ATP11B: variants seen among roughly 807,000 people sequenced by gnomAD.
ATP11B encodes the protein ATPase phospholipid transporting 11B (putative), also known as phospholipid-transporting ATPase IF.
A neutral mutation model predicts 157.8 loss-of-function variants in ATP11B; 81 were observed. That is an observed-to-expected ratio of 0.51 (90% CI 0.43 to 0.62). The LOEUF (loss-of-function observed/expected upper bound fraction) is 0.62, where lower values mean the gene tolerates loss of function less well. Ranked by LOEUF, ATP11B falls within the 20% of genes least tolerant of loss-of-function variation. The pLI is 0.00. For missense variants in ATP11B, 1,165 were observed against 1,402.2 expected (o/e 0.83, Z 2.70); for synonymous variants, 451 against 469.4 (o/e 0.96, Z 0.51).
intron 8 of ATP11B, among the ~76,000 whole-genome samples, chr3:182,842,978 G>A (rs1212073426): frequency 6.6e-6 from 1 of 152,198 alleles, no homozygotes; most frequent in Non-Finnish European, 1.5e-5. Flanking sequence ...AGTCCTCTCA[G>A]ATTCCAAAAG....
chr3:182,873,844 C>G lies in ATP11B; in HGVS notation c.2081C>G (p.Ala694Gly). The G allele has an allele frequency of 6.2e-7, 1 of 1,614,084 alleles. No homozygotes were observed. The highest frequency in any genetic ancestry group is 8.5e-7 in the Non-Finnish European group (1 of 1,179,970). ...LQDKVRETIEALRMAGIKVWV... is the reference protein window; with the variant it reads ...LQDKVRETIEGLRMAGIKVWV... ...GATAAAGTTCGAGAAACTATTGAAGCATTGAGAATGGCTGGTATCAAAGTA... is the reference window on the plus strand; with the variant it reads ...GATAAAGTTCGAGAAACTATTGAAGGATTGAGAATGGCTGGTATCAAAGTA... The change falls in exon 19 of 30, where the codon GCA (alanine) becomes GGA (glycine). Residue 694 changes from alanine (A) to glycine (G), a missense_variant. Coordinates refer to ENST00000323116, the MANE Select transcript of ATP11B (RefSeq NM_014616.3).
At chr3:182,899,150 A>ATTTTTTTT (rs34492261) in intron 28 of ATP11B, among the ~76,000 whole-genome samples, 1 of 128,356 alleles carries the variant, frequency 7.8e-6, no homozygotes, top group Non-Finnish European at 1.6e-5. Context: ...AATTTGAGTA[A>ATTTTTTTT]TTTTTTTTTT....
At chr3:182,908,305 G>A (rs1239591985) in intron 28 of ATP11B, among the ~76,000 whole-genome samples, 1 of 148,976 alleles carries the variant, frequency 6.7e-6, no homozygotes, top group Non-Finnish European at 1.5e-5. Context: ...CACCTCCTGG[G>A]TTCAAGCAGT....
intron 12 of ATP11B, among the ~76,000 whole-genome samples, chr3:182,864,588 A>G (rs1721089105): frequency 6.6e-6 from 1 of 152,110 alleles, no homozygotes; most frequent in African/African-American, 2.4e-5. Flanking sequence ...TGTTGAGTCA[A>G]TCTTGCAATT....
intron 17 of ATP11B, among the ~76,000 whole-genome samples, chr3:182,871,040 G>A (rs1293815308): frequency 6.6e-6 from 1 of 152,034 alleles, no homozygotes; most frequent in Non-Finnish European, 1.5e-5. Flanking sequence ...AGTGGCTCAT[G>A]CCTGTAATCC....
chr3:182,854,209 C>T (rs1720196238), intron 10 of ATP11B, among the ~76,000 whole-genome samples: 1 of 152,188 alleles, frequency 6.6e-6, no homozygotes, highest in Non-Finnish European at 1.5e-5. Context: ...GTGGCTCACA[C>T]CAGTAATCCC....
chr3:182,844,571 C>G (rs1719316489), intron 8 of ATP11B: 1 of 984,574 alleles, frequency 1.0e-6, no homozygotes. Context: ...GCAAGAAGAC[C>G]TGTGCTTCAA....
intron 2 of ATP11B, among the ~76,000 whole-genome samples, chr3:182,822,646 C>A (rs1319760446): frequency 1.3e-5 from 2 of 152,192 alleles, no homozygotes; most frequent in African/African-American, 4.8e-5. Context: ...AATGGGATGG[C>A]TGGGTCAAAT....
intron 23 of ATP11B, among the ~76,000 whole-genome samples, chr3:182,887,108 A>C (rs980305758): frequency 2.0e-5 from 3 of 152,196 alleles, no homozygotes; most frequent in African/African-American, 7.2e-5. Context: ...GAGGAGCAAG[A>C]TATCGTTAAG....
At chr3:182,808,867 A>G (rs979140621) in intron 1 of ATP11B, among the ~76,000 whole-genome samples, 12 of 152,174 alleles carry the variant, frequency 7.9e-5, no homozygotes, top group African/African-American at 2.9e-4. Flanking sequence ...TTGTTACACC[A>G]ATATTGATGT....
At chr3:182,838,174 A>G (rs1239504115) in intron 7 of ATP11B, among the ~76,000 whole-genome samples, 1 of 152,046 alleles carries the variant, frequency 6.6e-6, no homozygotes, top group Non-Finnish European at 1.5e-5. Flanking sequence ...CATCAAAGTC[A>G]AATGCAGTAT....
chr3:182,804,854 T>G (rs1435812006), intron 1 of ATP11B, among the ~76,000 whole-genome samples: 1 of 152,218 alleles, frequency 6.6e-6, no homozygotes, highest in African/African-American at 2.4e-5. Context: ...TCTGAACATT[T>G]TATATAAATG....
At position 182,921,011 on chromosome 3, in the gene ATP11B, A is replaced by AAGAT. The variant is rs959524304; in HGVS notation, c.*2908_*2911dup. The AAGAT allele has an allele frequency of 6.6e-6, 1 of 152,122 alleles. No individual in the cohort carries two copies. The highest frequency in any genetic ancestry group is 2.4e-5 in the African/African-American group (1 of 41,388). The allele number at this position is 152,122 out of a possible 1,614,324, so 9.4% of individuals were successfully genotyped here. On this transcript the variant is annotated 3_prime_UTR_variant, in exon 30 of 30. Coordinates refer to ENST00000323116, the MANE Select transcript of ATP11B (RefSeq NM_014616.3). ...AGGACTGAGGTCATTTCTACTGGAA[A>AAGAT]AGATTGTGAGATTGAACTTATCTGA...
At chr3:182,890,439 C>T (rs1279844042) in intron 25 of ATP11B, among the ~76,000 whole-genome samples, 1 of 152,182 alleles carries the variant, frequency 6.6e-6, no homozygotes, top group Non-Finnish European at 1.5e-5. Context: ...CTATACTAGG[C>T]TCTGGTAAGT....
chr3:182,918,279 C>CA lies in ATP11B; in HGVS notation c.*177dup. The CA allele has an allele frequency of 1.3e-6, 1 of 765,960 alleles. No homozygotes were observed. 47.4% of individuals were successfully genotyped at this position (765,960 alleles called of 1,614,324 possible). On this transcript the variant is annotated 3_prime_UTR_variant, in exon 30 of 30. Coordinates refer to ENST00000323116, the MANE Select transcript of ATP11B (RefSeq NM_014616.3). Reference sequence around the variant, plus strand: ...AGAAAGCATTAGTACAAGCCCCTCCCAACACCCTTAATTTGAATCTGAACA... The same window carrying CA: ...AGAAAGCATTAGTACAAGCCCCTCCCAAACACCCTTAATTTGAATCTGAACA...
chr3:182,885,043 G>A (rs781392562), intron 22 of ATP11B, 145 bp downstream of exon 22: 10 of 538,962 alleles, frequency 1.9e-5, no homozygotes, highest in Non-Finnish European at 2.9e-5. Context: ...ATTCTATACT[G>A]ACAGAAAGCA....
At chr3:182,882,890 T>C (rs1722525402) in intron 21 of ATP11B, among the ~76,000 whole-genome samples, 1 of 152,150 alleles carries the variant, frequency 6.6e-6, no homozygotes, top group African/African-American at 2.4e-5. Flanking sequence ...TCGATTGTTA[T>C]GAAAGGAGAA....
At chr3:182,917,270 G>C (rs371424276) in intron 29 of ATP11B, 2 of 985,170 alleles carry the variant, frequency 2.0e-6, no homozygotes, top group African/African-American at 3.5e-5. Context: ...TCTTTCACTT[G>C]GTAATCCTAA....
chr3:182,862,885 C>T (rs1454590016), intron 12 of ATP11B, among the ~76,000 whole-genome samples: 1 of 151,426 alleles, frequency 6.6e-6, no homozygotes, highest in Non-Finnish European at 1.5e-5. Flanking sequence ...CTCAACCTGT[C>T]ATGTTTAACC....
Sources: allele counts gnomAD v4.1 joint callset (sites outside exome capture counted in the v4.1 genomes callset), GRCh38; gene constraint gnomAD v4.1.1; transcripts MANE v1.5; gene names NCBI Gene and HGNC (gene_info 2026-07-23, HGNC 2026-07-21).